Variants in NELL1 observed in about 807,000 individuals in gnomAD.
The protein encoded by NELL1 is neural EGFL like 1.
Under a neutral mutation model 107.4 loss-of-function variants are expected in NELL1, and 76 were observed. The ratio of observed to expected loss-of-function variants is 0.71; its 90% CI spans 0.59 to 0.86. The LOEUF is 0.86. Ranked by LOEUF, NELL1 falls within the 40% of genes least tolerant of loss-of-function variation. The pLI, the probability that NELL1 is intolerant of heterozygous loss-of-function variation, is 0.00. For missense variants in NELL1, 1,024 were observed against 1,005.5 expected, an observed-to-expected ratio of 1.02 and a Z score of -0.25; for synonymous variants, 353 against 341.2, an observed-to-expected ratio of 1.03 and a Z score of -0.38.
At chr11:21,424,320 A>G (rs540915548) in intron 15 of NELL1, among the ~76,000 whole-genome samples, 1 of 152,252 alleles carries the variant, frequency 6.6e-6, no homozygotes, top group African/African-American at 2.4e-5. Flanking sequence ...GGATTATAGG[A>G]GAGTACTGTA....
chr11:21,304,079 C>T (rs1407184123), intron 14 of NELL1, among the ~76,000 whole-genome samples: 1 of 152,006 alleles, frequency 6.6e-6, no homozygotes, highest in East Asian at 1.9e-4. Context: ...ACATGAATTT[C>T]GGGGAAACCA....
At chr11:21,395,885 A>G (rs1374335054) in intron 15 of NELL1, among the ~76,000 whole-genome samples, 7 of 151,576 alleles carry the variant, frequency 4.6e-5, no homozygotes, top group South Asian at 2.1e-4. Context: ...GTGAGAATTT[A>G]TTGATTAGAA....
Position 20,839,469 on chromosome 11 carries a change from C to A in NELL1, c.336-8114C>A, listed in dbSNP as rs116696746. On this transcript the variant is annotated intron_variant, in intron 3 of 19. Transcript: ENST00000357134. The stretch of plus-strand genomic sequence containing the variant: ...CTTCTTTCTAAGAAAAGGCAGAATG[C>A]GTATGCTTTCAGCAGCATCACACCT... Among the ~76,000 whole-genome samples, 421 of 152,232 alleles carry A rather than the reference C, an allele frequency of 2.8e-3. 2 individuals are homozygous for A. The highest frequency in any genetic ancestry group is 9.5e-3 in the African/African-American group (395 of 41,546).
rs547205764 is a variant in NELL1 at position 21,146,211 on chromosome 11, C to G, written c.1426+32497C>G. On this transcript the variant is annotated intron_variant, in intron 13 of 19. Coordinates refer to ENST00000357134, the MANE Select transcript of NELL1 (RefSeq NM_006157.5). ...GTATCAGTGCCATTCTCTGCTCTACCAATCAGAATCTGACAGAAGAAAAAA... is the reference window on the plus strand; with the variant it reads ...GTATCAGTGCCATTCTCTGCTCTACGAATCAGAATCTGACAGAAGAAAAAA... Among the ~76,000 whole-genome samples, 4 of 151,612 alleles carry G rather than the reference C, an allele frequency of 2.6e-5. 1 individual carries two copies. The South Asian group carries it at 8.3e-4, about 32-fold the overall frequency.
chr11:21,268,349 A>G (rs1848674928), intron 14 of NELL1, among the ~76,000 whole-genome samples: 1 of 152,170 alleles, frequency 6.6e-6, no homozygotes, highest in South Asian at 2.1e-4. Context: ...GGAGAAGAGA[A>G]GAAACCATGT....
At chr11:21,126,332 C>T (rs1027047687) in intron 13 of NELL1, among the ~76,000 whole-genome samples, 1 of 151,306 alleles carries the variant, frequency 6.6e-6, no homozygotes, top group Non-Finnish European at 1.5e-5. Context: ...AAGCAAGCAC[C>T]TACTGTTGTC....
chr11:20,972,783 C>T (rs1476482847), intron 12 of NELL1, among the ~76,000 whole-genome samples: 1 of 152,082 alleles, frequency 6.6e-6, no homozygotes, highest in African/African-American at 2.4e-5. Flanking sequence ...GTTTGTATTT[C>T]TGAAAAATCT....
chr11:21,169,104 T>A (rs1856547827), intron 13 of NELL1, among the ~76,000 whole-genome samples: 2 of 151,874 alleles, frequency 1.3e-5, no homozygotes, highest in Non-Finnish European at 2.9e-5. Flanking sequence ...TCATTCCAAA[T>A]ACTGTAAATT....
chr11:21,270,188 T>C (rs1848713197), intron 14 of NELL1, among the ~76,000 whole-genome samples: 1 of 152,042 alleles, frequency 6.6e-6, no homozygotes, highest in Non-Finnish European at 1.5e-5. Context: ...ATAAATATAG[T>C]AGTGTCACTT....
chr11:21,456,649 T>C (rs1369423394), intron 15 of NELL1, among the ~76,000 whole-genome samples: 1 of 152,166 alleles, frequency 6.6e-6, no homozygotes, highest in African/African-American at 2.4e-5. Context: ...CAAATATTTA[T>C]TGAGAATCTA....
rs199896847 is a variant in NELL1 at position 21,574,998 on chromosome 11, T to C, written c.2409T>C (p.Asp803=). ...ATGGAAGAGTCTGTTGTTCTGTGGA[T>C]TTTGAGTGTCTTCAAAATAATTGAA... ...CKNGRVCCSV[D]FECLQNN is the part of the protein sequence containing the mutation. The change falls in exon 20 of 20, where the codon GAT becomes GAC. Residue 803 remains aspartate, a synonymous_variant. Coordinates refer to ENST00000357134, the MANE Select transcript of NELL1 (RefSeq NM_006157.5). 6.2e-7 allele frequency: 1 copy of C among 1,611,022 alleles called. No homozygotes were observed. Among genetic ancestry groups the C allele is most frequent in the African/African-American group, 1.3e-5 (1 of 74,878 alleles).
intron 14 of NELL1, chr11:21,283,593 C>T (rs1359698569): frequency 1.3e-5 from 2 of 154,558 alleles, no homozygotes; most frequent in South Asian, 2.0e-4. Flanking sequence ...CTATATAACA[C>T]ATTACATCAT....
At chr11:21,018,036 C>T (rs1852609875) in intron 12 of NELL1, among the ~76,000 whole-genome samples, 1 of 152,054 alleles carries the variant, frequency 6.6e-6, no homozygotes, top group Non-Finnish European at 1.5e-5. Context: ...ATCTTTCATC[C>T]ACGCCTCTGA....
chr11:21,447,930 T>C (rs1853476637), intron 15 of NELL1, among the ~76,000 whole-genome samples: 1 of 152,180 alleles, frequency 6.6e-6, no homozygotes. Context: ...ATTTCTTCTT[T>C]GGCTGGGCTA....
intron 14 of NELL1, among the ~76,000 whole-genome samples, chr11:21,305,732 C>A (rs1294414852): frequency 6.6e-6 from 1 of 151,382 alleles, no homozygotes; most frequent in East Asian, 1.9e-4. Context: ...AGTATAGATT[C>A]TATATATATA....
intron 14 of NELL1, among the ~76,000 whole-genome samples, chr11:21,339,295 G>C (rs893394053): frequency 6.6e-6 from 1 of 152,166 alleles, no homozygotes; most frequent in South Asian, 2.1e-4. Flanking sequence ...AGAGATTGGA[G>C]TTACACAACT....
intron 14 of NELL1, among the ~76,000 whole-genome samples, chr11:21,281,275 A>G (rs1791872): frequency 0.55 from 83,030 of 151,480 alleles, 23,033 homozygotes; most frequent in South Asian, 0.6. Context: ...CCTGCTGACT[A>G]AAGAGGCTTA....
chr11:21,442,340 C>A (rs375826462), intron 15 of NELL1, among the ~76,000 whole-genome samples: 2 of 152,046 alleles, frequency 1.3e-5, no homozygotes, highest in Non-Finnish European at 2.9e-5. Flanking sequence ...GTATGTTAAA[C>A]GGTAGAAAAT....
intron 15 of NELL1, among the ~76,000 whole-genome samples, chr11:21,509,220 C>A (rs75454417): frequency 0.15 from 23,427 of 152,028 alleles, 1,882 homozygotes; most frequent in Non-Finnish European, 0.17. Flanking sequence ...CTGACAATAG[C>A]GACTATTGAC....
Sources: gnomAD v4.1 joint callset for allele counts (sites outside exome capture counted in the v4.1 genomes callset) on GRCh38, gnomAD v4.1.1 for gene constraint, MANE v1.5 for transcripts, NCBI Gene and HGNC (gene_info 2026-07-23, HGNC 2026-07-21) for gene names.